SETD5: variants seen among roughly 807,000 people sequenced by gnomAD.
SETD5 encodes the protein SET domain containing 5.
A neutral mutation model predicts 153.3 loss-of-function variants in SETD5; 44 were observed. That is an observed-to-expected ratio of 0.29 (90% CI 0.23 to 0.37). The LOEUF (loss-of-function observed/expected upper bound fraction) is 0.37. SETD5 is among the 10% of genes least tolerant of loss of function. SETD5 has a pLI of 1.00. For missense variants in SETD5, 1,544 were observed against 1,768.0 expected (o/e 0.87, Z 2.27); for synonymous variants, 716 against 645.2 (o/e 1.11, Z -1.66).
In SETD5 at chr3:9,447,725, G is replaced by A; in HGVS notation, c.1822G>A (p.Ala608Thr). 2 of 1,613,896 alleles carry A rather than the reference G, an allele frequency of 1.2e-6. No homozygotes were observed. The highest frequency in any genetic ancestry group is 8.5e-7 in the Non-Finnish European group (1 of 1,179,864). The change falls in exon 15 of 23, where the codon GCA (alanine) becomes ACA (threonine). Residue 608 changes from alanine to threonine, a missense_variant. Ala to Thr is a moderately conservative substitution (Grantham distance 58). Transcript: ENST00000402198. ...AAAACTAGTCCCCAAGCCACCTCCA[G>A]CAAAGCCTTCTAGGCCCCGGCCGAA... ...AEKLVPKPPP[A>T]KPSRPRPKSR...
At chr3:9,432,450 G>A (rs2040076641) in intron 3 of SETD5, 1 of 237,886 alleles carries the variant, frequency 4.2e-6, no homozygotes, top group Non-Finnish European at 6.8e-6. Flanking sequence ...AGGAAAAAAT[G>A]ACTTGTTATT....
Position 9,434,208 on chromosome 3 carries a change from T to C in SETD5, c.178-126T>C. 1.9e-6 allele frequency: 3 copies of C among 1,550,062 alleles called. No homozygotes were observed. The highest frequency in any genetic ancestry group is 2.6e-6 in the Non-Finnish European group (3 of 1,141,382). ...TACTACTTTCTTCTTTCTTTCCATA[T>C]GTACCATACTTTAGGGGAGAGAGGG... is the stretch of plus-strand genomic sequence containing the variant. On this transcript the variant is annotated intron_variant, in intron 4 of 22. Coordinates refer to ENST00000402198, the MANE Select transcript of SETD5 (RefSeq NM_001080517.3). The surrounding 1 kb of genome is among the most constrained non-coding windows in gnomAD (Gnocchi z 5.6).
chr3:9,405,276 G>C (rs1335328474), intron 1 of SETD5, among the ~76,000 whole-genome samples: 1 of 152,118 alleles, frequency 6.6e-6, no homozygotes, highest in Admixed American at 6.5e-5. Flanking sequence ...AGAAAGGTGG[G>C]CTCTCTTCTG....
At chr3:9,448,288 G>A (rs2042245247) in intron 15 of SETD5, 100 bp from the exon 16 acceptor site, 2 of 1,486,704 alleles carry the variant, frequency 1.3e-6, no homozygotes, top group Admixed American at 2.4e-5. Flanking sequence ...TACTGCAGCT[G>A]CTGCATCTCC....
chr3:9,435,747 A>C lies in SETD5; in HGVS notation c.408A>C (p.Thr136=). ...TTTCAGGTGGGGATAGCAGTGCAAC[A>C]GAAAGCTGGGATGAGGAGCTTTCTC... ...DNISGGDSSA[T]ESWDEELSPS... Residue 136 remains threonine, a synonymous_variant, in exon 7 of 23, where the codon ACA becomes ACC. Coordinates refer to ENST00000402198, the MANE Select transcript of SETD5 (RefSeq NM_001080517.3). 1 of 1,598,858 alleles carries C rather than the reference A, an allele frequency of 6.3e-7. No individual in the cohort carries two copies. The highest frequency in any genetic ancestry group is 1.7e-5 in the Admixed American group (1 of 57,174).
chr3:9,473,495 C>A lies in SETD5; in HGVS notation c.3455C>A (p.Ser1152Tyr). Reference sequence around the variant, plus strand: ...AGCCCATCAGATTCCAGAGGCACTTCTTCATCTCACTGCAGACCTCAAGAG... The same window carrying A: ...AGCCCATCAGATTCCAGAGGCACTTATTCATCTCACTGCAGACCTCAAGAG... ...AVSPSDSRGT[S>Y]SSHCRPQENI... The change falls in exon 20 of 23, where the codon TCT becomes TAT. Residue 1152 changes from serine (S) to tyrosine (Y), a missense_variant. Physicochemically the swap from Ser to Tyr is moderately radical, Grantham distance 144 (BLOSUM62 -2). Around this residue, in one of 9 missense-constraint regions of SETD5, gnomAD observed 93 missense variants for 93.4 expected, o/e 1.00. Coordinates refer to ENST00000402198, the MANE Select transcript of SETD5 (RefSeq NM_001080517.3). The A allele has an allele frequency of 6.2e-7, 1 of 1,613,764 alleles. No homozygotes were observed. Among genetic ancestry groups the A allele is most frequent in the Non-Finnish European group, 8.5e-7 (1 of 1,179,834 alleles).
chr3:9,464,910 G>A, intron 18 of SETD5: 1 of 556,334 alleles, frequency 1.8e-6, no homozygotes, highest in Admixed American at 3.1e-5. Flanking sequence ...TGTATCTTTT[G>A]CATGCAGTCC....
At chr3:9,451,514 A>G (rs977271988) in intron 16 of SETD5, among the ~76,000 whole-genome samples, 2 of 152,120 alleles carry the variant, frequency 1.3e-5, no homozygotes, top group African/African-American at 2.4e-5. Context: ...TGGCATCATC[A>G]CAGGCTCACT....
chr3:9,425,698 C>T (rs571747781), intron 2 of SETD5, among the ~76,000 whole-genome samples: 4 of 151,674 alleles, frequency 2.6e-5, no homozygotes, highest in East Asian at 1.9e-4. Flanking sequence ...GCCTCAGCCT[C>T]CCAAGTAGCT....
intron 18 of SETD5, 145 bp downstream of exon 18, chr3:9,464,817 G>A: frequency 7.5e-7 from 1 of 1,333,512 alleles, no homozygotes; most frequent in Non-Finnish European, 1.0e-6. Context: ...CAGGGTCATT[G>A]TGGCCTGTTA....
At chr3:9,414,811 A>G (rs1467119719) in intron 1 of SETD5, among the ~76,000 whole-genome samples, 1 of 152,006 alleles carries the variant, frequency 6.6e-6, no homozygotes, top group Admixed American at 6.6e-5. Flanking sequence ...AATCTGGAGC[A>G]TGGATTTTTT....
chr3:9,451,261 A>G (rs2042594632), intron 16 of SETD5, among the ~76,000 whole-genome samples: 1 of 152,162 alleles, frequency 6.6e-6, no homozygotes, highest in African/African-American at 2.4e-5. Context: ...TTGAACCGGG[A>G]CTCGGTGAAA....
In SETD5 at chr3:9,445,965, G is replaced by GTTTTTTTTTTTTTT. The variant is rs376821559; in HGVS notation, c.1524+235_1524+248dup. Reference sequence around the variant, plus strand: ...TATCTAGTGATGGTTTGAAGAGGTTGTTTTTTTTTTTTTTTTTTTTTTTAC... The same window carrying GTTTTTTTTTTTTTT: ...TATCTAGTGATGGTTTGAAGAGGTTGTTTTTTTTTTTTTTTTTTTTTTTTTTTTTTTTTTTTTAC... On this transcript the variant is annotated intron_variant, in intron 13 of 22. Transcript: ENST00000402198. Among the ~76,000 whole-genome samples, 27 of 86,462 alleles carry GTTTTTTTTTTTTTT rather than the reference G, an allele frequency of 3.1e-4. 2 individuals are homozygous for GTTTTTTTTTTTTTT. Among genetic ancestry groups the GTTTTTTTTTTTTTT allele is most frequent in the African/African-American group, 1.1e-3 (24 of 21,380 alleles). The allele number at this position is 86,462 out of a possible 152,430, so 56.7% of individuals were successfully genotyped here. A position where few individuals can be genotyped will look rare whatever the true frequency, so the allele number is the denominator to read the frequency against.
chr3:9,435,937 A>G lies in SETD5; in HGVS notation c.567+31A>G, dbSNP rs552339133. 2.8e-5 allele frequency: 43 copies of G among 1,523,410 alleles called. No homozygotes were observed. The South Asian group carries it at 5.4e-4, about 19-fold the overall frequency. 94.4% of individuals were successfully genotyped at this position (1,523,410 alleles called of 1,614,324 possible). On this transcript the variant is annotated intron_variant, in intron 7 of 22. Coordinates refer to ENST00000402198, the MANE Select transcript of SETD5 (RefSeq NM_001080517.3). ...CAGGGTAAAAATATCTTAAATAGAA[A>G]TTGTCTGAAATAGCTTAAATTTTGG... is the stretch of plus-strand genomic sequence containing the variant.
At chr3:9,422,654 G>C (rs770495575) in intron 1 of SETD5, among the ~76,000 whole-genome samples, 2 of 152,172 alleles carry the variant, frequency 1.3e-5, no homozygotes, top group Non-Finnish European at 2.9e-5. Context: ...AAAGAAAAAG[G>C]ACCCTTTGAG....
chr3:9,403,190 A>T (rs1251343010), intron 1 of SETD5, among the ~76,000 whole-genome samples: 2 of 152,160 alleles, frequency 1.3e-5, no homozygotes, highest in Non-Finnish European at 2.9e-5. Context: ...TGCCAACCAC[A>T]TACTATTAAC....
intron 3 of SETD5, 38 bp from the exon 4 acceptor site, chr3:9,433,807 T>C (rs376048595): frequency 3.2e-6 from 5 of 1,581,770 alleles, no homozygotes; most frequent in Non-Finnish European, 4.3e-6. Flanking sequence ...GAAGATTAGG[T>C]GTTATGCTAT....
At chr3:9,418,396 T>G (rs1289974033) in intron 1 of SETD5, among the ~76,000 whole-genome samples, 2 of 152,214 alleles carry the variant, frequency 1.3e-5, no homozygotes, top group Non-Finnish European at 2.9e-5. Context: ...AAAGGTTATG[T>G]CAAAGGACAA....
At position 9,453,686 on chromosome 3, in the gene SETD5, A is replaced by T. The variant is rs2042888942; in HGVS notation, c.2347-53A>T. On this transcript the variant is annotated intron_variant, in intron 16 of 22. Transcript: ENST00000402198. ...GTTGATGTACATTTAAAACAGGTGC[A>T]CTAAATAGTTTTAGATAATTATTGA... is the stretch of plus-strand genomic sequence containing the variant. The T allele has an allele frequency of 8.6e-6, 13 of 1,506,298 alleles. No homozygotes were observed. The East Asian group carries it at 3.0e-4, about 35-fold the overall frequency. The allele number at this position is 1,506,298 out of a possible 1,614,324, so 93.3% of individuals were successfully genotyped here.
Sources: allele counts gnomAD v4.1 joint callset (sites outside exome capture counted in the v4.1 genomes callset), GRCh38; gene constraint gnomAD v4.1.1; regional missense constraint gnomAD v4.1.1; non-coding constraint Gnocchi (gnomAD v3.1); transcripts MANE v1.5; gene names NCBI Gene and HGNC (gene_info 2026-07-23, HGNC 2026-07-21).